The following SWT1 variants were observed in gnomAD, a reference collection of about 807,000 sequenced individuals.
SWT1 encodes the protein transcriptional protein SWT1.
Under a neutral mutation model 107.3 loss-of-function variants are expected in SWT1, and 33 were observed. That is an observed-to-expected ratio of 0.31 (90% CI 0.23 to 0.41). SWT1 has a LOEUF of 0.41. SWT1 is among the 10% of genes least tolerant of loss of function. SWT1 has a pLI of 1.00. For missense variants in SWT1, 898 were observed against 1,028.9 expected, an observed-to-expected ratio of 0.87 and a Z score of 1.74; for synonymous variants, 345 against 348.3, an observed-to-expected ratio of 0.99 and a Z score of 0.11.
At chr1:185,233,417 T>C (rs909957368) in intron 16 of SWT1, among the ~76,000 whole-genome samples, 4 of 152,218 alleles carry the variant, frequency 2.6e-5, no homozygotes, top group Non-Finnish European at 4.4e-5. Flanking sequence ...AGATCTTTCC[T>C]GCTTTCTCTT....
At chr1:185,225,250 G>A (rs1038689418) in intron 15 of SWT1, among the ~76,000 whole-genome samples, 2 of 152,082 alleles carry the variant, frequency 1.3e-5, no homozygotes, top group East Asian at 1.9e-4. Context: ...AACCATTCTT[G>A]CATCCCTGAG....
chr1:185,259,246 A>G (rs1336796213), intron 16 of SWT1, among the ~76,000 whole-genome samples: 1 of 152,144 alleles, frequency 6.6e-6, no homozygotes, highest in African/African-American at 2.4e-5. Context: ...TGTTTTAAAG[A>G]CAGACTGGCC....
At chr1:185,190,071 C>T (rs1201648651) in intron 9 of SWT1, among the ~76,000 whole-genome samples, 3 of 152,140 alleles carry the variant, frequency 2.0e-5, no homozygotes, top group Non-Finnish European at 4.4e-5. Context: ...CGGTCTCGAA[C>T]TCCTGACCTC....
intron 2 of SWT1, among the ~76,000 whole-genome samples, chr1:185,164,080 C>T (rs918764654): frequency 1.2e-4 from 18 of 152,042 alleles, no homozygotes; most frequent in African/African-American, 4.3e-4. Flanking sequence ...CATTAGCAAG[C>T]GTGAAAACAA....
chr1:185,290,359 T>C (rs1411882110), intron 18 of SWT1, among the ~76,000 whole-genome samples: 2 of 152,150 alleles, frequency 1.3e-5, no homozygotes, highest in Non-Finnish European at 2.9e-5. Context: ...GGAGGATCAC[T>C]TGAGCCCAAG....
chr1:185,207,689 C>G (rs983854191), intron 13 of SWT1, among the ~76,000 whole-genome samples: 1 of 151,966 alleles, frequency 6.6e-6, no homozygotes, highest in Non-Finnish European at 1.5e-5. Context: ...ATTGCTTGAC[C>G]CCAGGAGTTC....
chr1:185,282,972 A>G (rs1409655066), intron 18 of SWT1, among the ~76,000 whole-genome samples: 1 of 152,158 alleles, frequency 6.6e-6, no homozygotes, highest in Admixed American at 6.5e-5. Context: ...GTACTCAGGG[A>G]AACATTTTAC....
In SWT1 at chr1:185,206,749, A is replaced by G. The variant is rs1019605125; in HGVS notation, c.1958A>G (p.Lys653Arg). The change falls in exon 13 of 19, where the codon AAA becomes AGA. Residue 653 changes from lysine to arginine, a missense_variant. This residue lies in a region of SWT1 where 382 missense variants were observed against 460.0 expected (regional missense o/e 0.83). Coordinates refer to ENST00000367500, the MANE Select transcript of SWT1 (RefSeq NM_017673.7). ...CTTTTAACTATTGAGAGCCTATACA[A>G]AAATCTCCGTAAAGGTATGAATCTT... is the stretch of plus-strand genomic sequence containing the variant. Reference protein sequence around the residue: ...NLLLTIESLYKNLRKANKAVD... With the variant: ...NLLLTIESLYRNLRKANKAVD... 1 of 1,597,728 alleles carries G rather than the reference A, an allele frequency of 6.3e-7. No homozygotes were observed. Among genetic ancestry groups the G allele is most frequent in the Non-Finnish European group, 8.5e-7 (1 of 1,173,372 alleles).
In SWT1 at chr1:185,287,769, A is replaced by G. The variant is rs999205748; in HGVS notation, c.2574-2905A>G. ...ATGATCTAATAAAAAGTATAGGCCA[A>G]GCAGACACTATGAAAAACAGCCAAT... On this transcript the variant is annotated intron_variant, in intron 18 of 18. Coordinates refer to ENST00000367500, the MANE Select transcript of SWT1 (RefSeq NM_017673.7). 3.9e-5 allele frequency among the ~76,000 whole-genome samples: 6 copies of G among 152,236 alleles called. No homozygotes were observed. The South Asian group carries it at 1.2e-3, about 31-fold the overall frequency.
At chr1:185,278,981 G>C (rs1664437761) in intron 18 of SWT1, among the ~76,000 whole-genome samples, 1 of 152,170 alleles carries the variant, frequency 6.6e-6, no homozygotes, top group Admixed American at 6.5e-5. Context: ...AGGATTGATA[G>C]TCATACACAA....
intron 15 of SWT1, among the ~76,000 whole-genome samples, chr1:185,226,272 A>G (rs1660046383): frequency 6.6e-6 from 1 of 152,220 alleles, no homozygotes; most frequent in Non-Finnish European, 1.5e-5. Flanking sequence ...AAATGCTTAT[A>G]TTGCCTTATT....
intron 15 of SWT1, among the ~76,000 whole-genome samples, chr1:185,226,036 T>A (rs948258925): frequency 1.2e-4 from 19 of 152,138 alleles, no homozygotes; most frequent in African/African-American, 4.6e-4. Flanking sequence ...TTAACATAGT[T>A]TTAAGGTTTT....
chr1:185,188,495 T>G (rs1251421605), intron 9 of SWT1, among the ~76,000 whole-genome samples: 2 of 152,186 alleles, frequency 1.3e-5, no homozygotes. Flanking sequence ...TCACTGGTCA[T>G]CTGATCAAGA....
intron 2 of SWT1, among the ~76,000 whole-genome samples, chr1:185,161,761 G>A (rs745783360): frequency 3.9e-5 from 6 of 152,134 alleles, no homozygotes; most frequent in Non-Finnish European, 7.3e-5. Flanking sequence ...CATTAATTGA[G>A]CTGGGTATTG....
At chr1:185,273,049 A>AGG (rs1187975267) in intron 17 of SWT1, among the ~76,000 whole-genome samples, 1 of 147,872 alleles carries the variant, frequency 6.8e-6, no homozygotes, top group Non-Finnish European at 1.5e-5. Context: ...AAAAAGGGGG[A>AGG]GGGGATGGTT....
At chr1:185,171,013 A>G (rs1276318712) in intron 4 of SWT1, among the ~76,000 whole-genome samples, 1 of 152,180 alleles carries the variant, frequency 6.6e-6, no homozygotes, top group Non-Finnish European at 1.5e-5. Context: ...GAGACGATTG[A>G]CAGTCACACT....
chr1:185,231,787 T>G, intron 16 of SWT1, 79 bp downstream of exon 16: 1 of 1,118,370 alleles, frequency 8.9e-7, no homozygotes, highest in Non-Finnish European at 1.3e-6. Flanking sequence ...TTTTTCAGAG[T>G]TGCTAGGAGT....
intron 10 of SWT1, among the ~76,000 whole-genome samples, chr1:185,201,945 TA>T (rs1201221345): frequency 1.3e-5 from 2 of 151,236 alleles, no homozygotes; most frequent in South Asian, 2.1e-4. Context: ...ATAGTTAATA[TA>T]TTTTTTTTTT....
chr1:185,269,685 G>A (rs371418662), intron 16 of SWT1, among the ~76,000 whole-genome samples: 2 of 152,082 alleles, frequency 1.3e-5, no homozygotes, highest in African/African-American at 2.4e-5. Context: ...AAGCCATTAG[G>A]AATCTAAAAG....
Sources: allele counts gnomAD v4.1 joint callset (sites outside exome capture counted in the v4.1 genomes callset), GRCh38; gene constraint gnomAD v4.1.1; regional missense constraint gnomAD v4.1.1; transcripts MANE v1.5; gene names NCBI Gene and HGNC (gene_info 2026-07-23, HGNC 2026-07-21).